Variants in PHTF2 observed in about 807,000 individuals in gnomAD.
PHTF2 encodes the protein putative homeodomain transcription factor 2, also known as protein PHTF2.
In PHTF2, 60 loss-of-function variants were observed where a neutral mutation model predicts 101.2. The ratio of observed to expected loss-of-function variants is 0.59; its 90% CI spans 0.48 to 0.73. The LOEUF is 0.73. PHTF2 is among the 30% of genes least tolerant of loss of function. The pLI is 0.00. For synonymous variants in PHTF2, 311 were observed against 307.3 expected (o/e 1.01, Z -0.13); for missense variants, 747 against 908.7 (o/e 0.82, Z 2.29).
chr7:77,823,345 C>T (rs1312319655), intron 1 of PHTF2, among the ~76,000 whole-genome samples: 2 of 152,092 alleles, frequency 1.3e-5, no homozygotes, highest in Non-Finnish European at 1.5e-5. Flanking sequence ...CTCAGCCTCC[C>T]GAGTAGTTGG....
chr7:77,819,006 A>G (rs1485441616), intron 1 of PHTF2, among the ~76,000 whole-genome samples: 1 of 152,080 alleles, frequency 6.6e-6, no homozygotes, highest in Non-Finnish European at 1.5e-5. Flanking sequence ...GCTGTAGTAA[A>G]TAAGATTGCC....
At chr7:77,954,610 G>GTGTGTGTA (rs1554397898) in intron 19 of PHTF2, among the ~76,000 whole-genome samples, 2 of 82,534 alleles carry the variant, frequency 2.4e-5, no homozygotes, top group African/African-American at 1.3e-4. Flanking sequence ...AACAAGTACT[G>GTGTGTGTA]TGTATATATA....
intron 9 of PHTF2, among the ~76,000 whole-genome samples, chr7:77,911,384 C>T (rs1274757368): frequency 1.3e-5 from 2 of 151,132 alleles, no homozygotes; most frequent in Admixed American, 6.6e-5. Flanking sequence ...TTAAAAAAAA[C>T]CTAACTCAAG....
At chr7:77,895,706 C>T (rs1800816236) in intron 5 of PHTF2, among the ~76,000 whole-genome samples, 1 of 151,982 alleles carries the variant, frequency 6.6e-6, no homozygotes, top group Non-Finnish European at 1.5e-5. Flanking sequence ...TCTTTTAAAT[C>T]CTAAATGTAT....
At chr7:77,861,286 A>C (rs138157723) in intron 3 of PHTF2, among the ~76,000 whole-genome samples, 1 of 152,290 alleles carries the variant, frequency 6.6e-6, no homozygotes, top group African/African-American at 2.4e-5. Flanking sequence ...GAACAAAACA[A>C]ATGATGCATT....
intron 3 of PHTF2, among the ~76,000 whole-genome samples, chr7:77,857,474 GC>G (rs1226907869): frequency 1.3e-5 from 2 of 152,054 alleles, no homozygotes; most frequent in African/African-American, 2.4e-5. Flanking sequence ...TTTTTTAAGA[GC>G]CCTGACTAAA....
chr7:77,803,356 A>G (rs1254627704), intron 1 of PHTF2, among the ~76,000 whole-genome samples: 1 of 152,186 alleles, frequency 6.6e-6, no homozygotes, highest in East Asian at 1.9e-4. Context: ...AGGCATTCAT[A>G]TTTGTTGCAT....
intron 1 of PHTF2, among the ~76,000 whole-genome samples, chr7:77,838,081 A>G (rs1795606691): frequency 6.6e-6 from 1 of 152,200 alleles, no homozygotes; most frequent in African/African-American, 2.4e-5. Flanking sequence ...GTTATAACCA[A>G]TCTGGAAAGC....
chr7:77,901,927 T>G lies in PHTF2; in HGVS notation c.445+7T>G, dbSNP rs1436997851. On this transcript the variant is annotated splice_region_variant and intron_variant, in intron 7 of 19. Coordinates refer to ENST00000416283, the Ensembl canonical transcript of PHTF2. ...GTCCTTTATCTTCTTCAAGGTATAA[T>G]TAAGTGATTTTTGCTTTTACTTTTC... 7.1e-6 allele frequency: 11 copies of G among 1,539,274 alleles called. No homozygotes were observed. Among genetic ancestry groups the G allele is most frequent in the Non-Finnish European group, 9.6e-6 (11 of 1,141,320 alleles).
At chr7:77,901,963 A>C in intron 7 of PHTF2, 43 bp downstream of exon 6, 1 of 1,246,332 alleles carries the variant, frequency 8.0e-7, no homozygotes, top group South Asian at 1.8e-5. Flanking sequence ...AGAATGTTAC[A>C]TTGTTAGGTT....
At chr7:77,939,644 A>G (rs528774080) in intron 13 of PHTF2, among the ~76,000 whole-genome samples, 1 of 151,966 alleles carries the variant, frequency 6.6e-6, no homozygotes, top group Non-Finnish European at 1.5e-5. Context: ...ACAAATGTAC[A>G]AACGTATGAA....
At chr7:77,904,999 A>T (rs1801727565) in intron 7 of PHTF2, among the ~76,000 whole-genome samples, 4 of 151,958 alleles carry the variant, frequency 2.6e-5, no homozygotes, top group Admixed American at 2.6e-4. Flanking sequence ...ATTTTTTTTA[A>T]TTTTTTTAAA....
chr7:77,837,896 G>T (rs1489121292), intron 1 of PHTF2, among the ~76,000 whole-genome samples: 2 of 151,942 alleles, frequency 1.3e-5, no homozygotes, highest in African/African-American at 4.8e-5. Flanking sequence ...TTCACGTTTT[G>T]TGTATGAAAT....
chr7:77,913,261 G>A (rs189937306), intron 9 of PHTF2, among the ~76,000 whole-genome samples: 3 of 151,824 alleles, frequency 2.0e-5, no homozygotes, highest in Admixed American at 6.6e-5. Flanking sequence ...GATAGTGGGT[G>A]CCTATAATCC....
chr7:77,812,899 A>G (rs1310666293), intron 1 of PHTF2, among the ~76,000 whole-genome samples: 3 of 152,148 alleles, frequency 2.0e-5, no homozygotes, highest in Admixed American at 6.6e-5. Flanking sequence ...AATAATGTGT[A>G]CATAATCTTC....
At chr7:77,812,894 T>C (rs944076936) in intron 1 of PHTF2, among the ~76,000 whole-genome samples, 1 of 152,172 alleles carries the variant, frequency 6.6e-6, no homozygotes, top group Non-Finnish European at 1.5e-5. Flanking sequence ...CAGCCAATAA[T>C]GTGTACATAA....
chr7:77,820,880 G>A (rs998216405), intron 1 of PHTF2, among the ~76,000 whole-genome samples: 3 of 151,974 alleles, frequency 2.0e-5, no homozygotes, highest in Admixed American at 1.3e-4. Flanking sequence ...GTAGTTTTCT[G>A]TAATAAGATT....
At chr7:77,854,114 T>C (rs147933301) in intron 2 of PHTF2, among the ~76,000 whole-genome samples, 220 of 152,312 alleles carry the variant, frequency 1.4e-3, no homozygotes, top group African/African-American at 5.1e-3. Flanking sequence ...AAAGGGAATT[T>C]AGTTTTGTGA....
At chr7:77,955,087 C>T (rs1806912937) in exon 20 of PHTF2, 1 of 307,084 alleles carries the variant, frequency 3.3e-6, no homozygotes, top group African/African-American at 2.2e-5. Flanking sequence ...TATTTTTAAG[C>T]ATTGATGTAC....
Sources: gnomAD v4.1 joint callset for allele counts (sites outside exome capture counted in the v4.1 genomes callset) on GRCh38, gnomAD v4.1.1 for gene constraint, MANE v1.5 for transcripts, NCBI Gene and HGNC (gene_info 2026-07-23, HGNC 2026-07-21) for gene names.